The following PAN3 variants were observed in gnomAD, a reference collection of about 807,000 sequenced individuals.
PAN3 encodes the protein poly(A) specific ribonuclease subunit PAN3.
PAN3 carries 19 observed loss-of-function variants against 96.2 expected under a neutral mutation model. The ratio of observed to expected loss-of-function variants is 0.20; its 90% confidence interval spans 0.14 to 0.29. The LOEUF is 0.29. PAN3 is among the 10% of genes least tolerant of loss of function. The pLI, the probability that PAN3 is intolerant of heterozygous loss-of-function variation, is 1.00. For synonymous variants in PAN3, 433 were observed against 406.6 expected, an observed-to-expected ratio of 1.06 and a Z score of -0.78; for missense variants, 882 against 1,108.1, an observed-to-expected ratio of 0.80 and a Z score of 2.90.
At chr13:28,151,628 A>C (rs1871376578) in intron 1 of PAN3, among the ~76,000 whole-genome samples, 1 of 152,196 alleles carries the variant, frequency 6.6e-6, no homozygotes, top group Non-Finnish European at 1.5e-5. Flanking sequence ...CAGCATTGAA[A>C]ATGGCAAGAA....
At chr13:28,261,587 G>A (rs1885724386) in intron 9 of PAN3, 129 bp downstream of exon 9, 1 of 664,030 alleles carries the variant, frequency 1.5e-6, no homozygotes, top group African/African-American at 1.9e-5. Context: ...AATCCCAGCA[G>A]TTTGGGAGGC....
intron 6 of PAN3, among the ~76,000 whole-genome samples, chr13:28,228,992 G>A (rs544989078): frequency 1.4e-4 from 22 of 152,212 alleles, no homozygotes; most frequent in Non-Finnish European, 3.1e-4. Flanking sequence ...GGGACACAGG[G>A]GAAGAGCTTC....
chr13:28,186,425 A>C (rs1334449328), intron 4 of PAN3, among the ~76,000 whole-genome samples: 2 of 152,216 alleles, frequency 1.3e-5, no homozygotes, highest in Admixed American at 6.5e-5. Flanking sequence ...TTGGTATAAA[A>C]TAGGCGCTAT....
At chr13:28,186,143 A>G (rs1876435923) in intron 4 of PAN3, among the ~76,000 whole-genome samples, 1 of 152,146 alleles carries the variant, frequency 6.6e-6, no homozygotes, top group Non-Finnish European at 1.5e-5. Context: ...TGAAGTCTTT[A>G]TCAGTTCTCA....
intron 4 of PAN3, among the ~76,000 whole-genome samples, chr13:28,191,790 T>G (rs1877290085): frequency 6.6e-6 from 1 of 152,174 alleles, no homozygotes; most frequent in Non-Finnish European, 1.5e-5. Context: ...TATTTTAATT[T>G]TTTTTTGAGA....
intron 6 of PAN3, among the ~76,000 whole-genome samples, chr13:28,237,880 A>G (rs538533299): frequency 1.8e-4 from 27 of 152,246 alleles, no homozygotes; most frequent in Admixed American, 7.8e-4. Context: ...TGTATGCACA[A>G]TGGTGACAAG....
At chr13:28,235,180 C>T (rs1308477939) in intron 6 of PAN3, among the ~76,000 whole-genome samples, 4 of 152,180 alleles carry the variant, frequency 2.6e-5, no homozygotes, top group African/African-American at 9.6e-5. Context: ...TCATTCCTCC[C>T]ATTCCTTCCA....
intron 17 of PAN3, among the ~76,000 whole-genome samples, chr13:28,281,785 T>C (rs943942127): frequency 1.4e-5 from 2 of 143,426 alleles, no homozygotes; most frequent in Non-Finnish European, 3.0e-5. Context: ...TTTTTTTTTT[T>C]TCTTGAGACG....
chr13:28,207,474 A>G (rs370496724), intron 5 of PAN3, among the ~76,000 whole-genome samples: 16 of 152,304 alleles, frequency 1.1e-4, no homozygotes, highest in African/African-American at 3.8e-4. Context: ...AAGGCATCCA[A>G]GCTGCTCCTT....
At chr13:28,188,014 A>G (rs1302667312) in intron 4 of PAN3, among the ~76,000 whole-genome samples, 1 of 152,184 alleles carries the variant, frequency 6.6e-6, no homozygotes, top group African/African-American at 2.4e-5. Context: ...TTTAAATGAC[A>G]CTTTAAAATG....
chr13:28,172,388 G>A (rs565242701), intron 1 of PAN3, among the ~76,000 whole-genome samples: 17 of 152,154 alleles, frequency 1.1e-4, no homozygotes, highest in African/African-American at 3.4e-4. Flanking sequence ...CCCAGGGGGC[G>A]AAGCTTGCAG....
intron 18 of PAN3, among the ~76,000 whole-genome samples, chr13:28,290,414 T>C (rs145505605): frequency 0.031 from 4,642 of 152,084 alleles, 109 homozygotes; most frequent in Middle Eastern, 0.044. Context: ...AGGCTCGGTG[T>C]CTCACGCCTG....
chr13:28,279,341 C>T (rs762576700), intron 15 of PAN3, among the ~76,000 whole-genome samples: 8 of 152,162 alleles, frequency 5.3e-5, no homozygotes, highest in Non-Finnish European at 1.2e-4. Flanking sequence ...TAAAAAGGCT[C>T]ATTCAGTTTA....
intron 1 of PAN3, among the ~76,000 whole-genome samples, chr13:28,142,218 G>T (rs983600348): frequency 2.2e-4 from 34 of 152,052 alleles, no homozygotes; most frequent in African/African-American, 7.5e-4. Context: ...CAGGAAAAAA[G>T]GTTGTGTTGG....
intron 9 of PAN3, among the ~76,000 whole-genome samples, chr13:28,263,297 A>G (rs1268083971): frequency 1.3e-5 from 2 of 152,204 alleles, no homozygotes; most frequent in African/African-American, 4.8e-5. Flanking sequence ...AGTGGGGGAA[A>G]AGAAAGCATT....
chr13:28,159,298 G>T (rs976805144), intron 1 of PAN3, among the ~76,000 whole-genome samples: 1 of 152,196 alleles, frequency 6.6e-6, no homozygotes, highest in Non-Finnish European at 1.5e-5. Context: ...AATGTCCTTT[G>T]CAGCAACATG....
chr13:28,146,655 G>GTATA (rs1223306686), intron 1 of PAN3, among the ~76,000 whole-genome samples: 1 of 152,076 alleles, frequency 6.6e-6, no homozygotes, highest in African/African-American at 2.4e-5. Context: ...TTAGGCAGTG[G>GTATA]TATACAAAGG....
chr13:28,153,232 CTTTTTTTTTTTTT>C (rs10651877), intron 1 of PAN3, among the ~76,000 whole-genome samples: 1 of 101,532 alleles, frequency 9.8e-6, no homozygotes, highest in Non-Finnish European at 1.9e-5. Context: ...GTATAATACG[CTTTTTTTTTTTTT>C]TTTTTTTTTG....
chr13:28,244,198 G>A (rs778291653), intron 6 of PAN3, among the ~76,000 whole-genome samples: 1 of 152,100 alleles, frequency 6.6e-6, no homozygotes, highest in Non-Finnish European at 1.5e-5. Flanking sequence ...AGTGTTGCAG[G>A]TATCTTTTTT....
Sources: gnomAD v4.1 joint callset for allele counts (sites outside exome capture counted in the v4.1 genomes callset) on GRCh38, gnomAD v4.1.1 for gene constraint, MANE v1.5 for transcripts, NCBI Gene and HGNC (gene_info 2026-07-23, HGNC 2026-07-21) for gene names.